Variants in IGF2BP3 observed in about 807,000 individuals in gnomAD.
The protein encoded by IGF2BP3 is insulin-like growth factor 2 mRNA-binding protein 3.
Under a neutral mutation model 73.8 loss-of-function variants are expected in IGF2BP3, and 9 were observed. That is an observed-to-expected ratio of 0.12 (90% CI 0.07 to 0.21). The LOEUF (loss-of-function observed/expected upper bound fraction) is 0.21. Among genes scored for constraint, IGF2BP3 ranks in the 10% least tolerant of loss-of-function variants. The pLI, the probability that IGF2BP3 is intolerant of heterozygous loss-of-function variation, is 1.00. For missense variants in IGF2BP3, 542 were observed against 714.0 expected (o/e 0.76, Z 2.75); for synonymous variants, 258 against 256.7 (o/e 1.01, Z -0.05).
chr7:23,398,585 A>AC (rs1562726828), intron 3 of IGF2BP3, among the ~76,000 whole-genome samples: 1 of 152,170 alleles, frequency 6.6e-6, no homozygotes, highest in Non-Finnish European at 1.5e-5. Flanking sequence ...TTGCTTCCTG[A>AC]CTTTTTAATG....
chr7:23,320,644 T>TAA lies in IGF2BP3; in HGVS notation c.1204-1392_1204-1391dup, dbSNP rs35291021. On this transcript the variant is annotated intron_variant, in intron 10 of 14. Coordinates refer to ENST00000258729, the MANE Select transcript of IGF2BP3 (RefSeq NM_006547.3). ...AAGAAGCCAGTAATATGCTTTTGTT[T>TAA]AAAAAAAAAAAAAAAAAAAAAAGCC... 5.6e-3 allele frequency among the ~76,000 whole-genome samples: 647 copies of TAA among 115,304 alleles called. 9 individuals carry two copies. Among genetic ancestry groups the TAA allele is most frequent in the African/African-American group, 0.016 (496 of 30,700 alleles). 75.6% of individuals were successfully genotyped at this position (115,304 alleles called of 152,430 possible). A position where few individuals can be genotyped will look rare whatever the true frequency, so the allele number is the denominator to read the frequency against.
At chr7:23,326,991 G>A (rs1033761055) in intron 10 of IGF2BP3, among the ~76,000 whole-genome samples, 4 of 150,782 alleles carry the variant, frequency 2.7e-5, no homozygotes, top group African/African-American at 9.8e-5. Context: ...TGGGTGCAGG[G>A]CACCAGCATG....
intron 2 of IGF2BP3, among the ~76,000 whole-genome samples, chr7:23,457,844 T>C (rs2042557276): frequency 1.3e-5 from 2 of 152,360 alleles, no homozygotes; most frequent in East Asian, 1.9e-4. Flanking sequence ...TGTGCACATA[T>C]GTAAAAATTA....
At chr7:23,459,544 G>C (rs896814610) in intron 2 of IGF2BP3, among the ~76,000 whole-genome samples, 1 of 152,230 alleles carries the variant, frequency 6.6e-6, no homozygotes, top group East Asian at 1.9e-4. Context: ...GGAAGAACTG[G>C]ACTTGGGGCC....
intron 8 of IGF2BP3, among the ~76,000 whole-genome samples, chr7:23,345,496 A>G (rs545021682): frequency 2.6e-5 from 4 of 152,378 alleles, no homozygotes; most frequent in African/African-American, 7.2e-5. Flanking sequence ...AACAGCCAGC[A>G]TCAACTTGTC....
At chr7:23,317,234 G>A (rs1216061481) in intron 12 of IGF2BP3, among the ~76,000 whole-genome samples, 1 of 152,176 alleles carries the variant, frequency 6.6e-6, no homozygotes, top group East Asian at 1.9e-4. Context: ...TCTATGGGCA[G>A]GGTCTAACAG....
chr7:23,454,873 T>C (rs747264457), intron 2 of IGF2BP3, among the ~76,000 whole-genome samples: 22 of 152,340 alleles, frequency 1.4e-4, no homozygotes, highest in South Asian at 4.1e-4. Flanking sequence ...ACCAGCACCA[T>C]TGATTGTCTT....
intron 10 of IGF2BP3, among the ~76,000 whole-genome samples, chr7:23,321,501 T>C (rs865977865): frequency 0.012 from 1,748 of 150,964 alleles, 12 homozygotes; most frequent in Non-Finnish European, 0.018. Flanking sequence ...GGGGGAGGGG[T>C]GCCCGCCATT....
At position 23,347,651 on chromosome 7, in the gene IGF2BP3, G is replaced by A. The variant is rs766252548; in HGVS notation, c.767C>T (p.Ala256Val). The change falls in exon 7 of 15, where the codon GCT (alanine) becomes GTT (valine). Residue 256 changes from alanine to valine, a missense_variant. Physicochemically the swap from Ala to Val is moderately conservative, Grantham distance 64. Transcript: ENST00000258729. ...CATAATCTCCAGAATAGACTTACAAGCCGCAGAGGTGCCTTCAGGAGTAGA... is the reference window on the plus strand; with the variant it reads ...CATAATCTCCAGAATAGACTTACAAACCGCAGAGGTGCCTTCAGGAGTAGA... Reference protein sequence around the residue: ...ILSTPEGTSAACKSILEIMHK... With the variant: ...ILSTPEGTSAVCKSILEIMHK... The A allele has an allele frequency of 1.2e-6, 2 of 1,613,896 alleles. No individual in the cohort carries two copies. The highest frequency in any genetic ancestry group is 2.7e-5 in the African/African-American group (2 of 74,898).
At chr7:23,445,614 G>A (rs1788040971) in intron 2 of IGF2BP3, among the ~76,000 whole-genome samples, 1 of 152,080 alleles carries the variant, frequency 6.6e-6, no homozygotes, top group African/African-American at 2.4e-5. Context: ...TTCATCAAGA[G>A]ACCTAAGAAT....
At chr7:23,426,014 G>A (rs1787500075) in intron 2 of IGF2BP3, among the ~76,000 whole-genome samples, 1 of 151,718 alleles carries the variant, frequency 6.6e-6, no homozygotes, top group Non-Finnish European at 1.5e-5. Flanking sequence ...AGACAAAATG[G>A]TGCCAGCAGT....
Position 23,470,274 on chromosome 7 carries a change from G to C in IGF2BP3, c.-164C>G. 1.9e-6 allele frequency: 1 copy of C among 525,022 alleles called. No individual in the cohort carries two copies. 32.5% of individuals were successfully genotyped at this position (525,022 alleles called of 1,614,324 possible). On this transcript the variant is annotated 5_prime_UTR_variant, in exon 1 of 15. In the 5' UTR this introduces an upstream ATG that the reference lacks. Coordinates refer to ENST00000258729, the MANE Select transcript of IGF2BP3 (RefSeq NM_006547.3). Reference sequence around the variant, plus strand: ...CACAAGAACGAGGAGTGAAAAATCAGATCCGAGGCTTGTTTTTTCCTTGTC... The same window carrying C: ...CACAAGAACGAGGAGTGAAAAATCACATCCGAGGCTTGTTTTTTCCTTGTC...
At chr7:23,404,144 T>C (rs1439028007) in intron 3 of IGF2BP3, among the ~76,000 whole-genome samples, 2 of 136,894 alleles carry the variant, frequency 1.5e-5, no homozygotes, top group East Asian at 4.2e-4. Flanking sequence ...AAAAATCAAA[T>C]GGAAAAAAAA....
At chr7:23,373,883 GT>G (rs1334901160) in intron 3 of IGF2BP3, among the ~76,000 whole-genome samples, 2 of 152,172 alleles carry the variant, frequency 1.3e-5, no homozygotes, top group Non-Finnish European at 1.5e-5. Context: ...AGATCTGGTT[GT>G]TTTAAAAGAG....
intron 3 of IGF2BP3, among the ~76,000 whole-genome samples, chr7:23,412,558 T>C (rs1461968281): frequency 1.3e-5 from 2 of 152,188 alleles, no homozygotes; most frequent in African/African-American, 2.4e-5. Context: ...ATGGAGAACC[T>C]GGTGCATAGG....
chr7:23,385,364 A>T (rs1028893801), intron 3 of IGF2BP3, among the ~76,000 whole-genome samples: 1 of 152,226 alleles, frequency 6.6e-6, no homozygotes, highest in African/African-American at 2.4e-5. Flanking sequence ...CAATCTTGGC[A>T]GCACAGTACA....
chr7:23,440,307 G>A (rs922109707), intron 2 of IGF2BP3, among the ~76,000 whole-genome samples: 11 of 151,532 alleles, frequency 7.3e-5, no homozygotes, highest in Middle Eastern at 6.8e-3. Flanking sequence ...ATGGTGGCAC[G>A]TGCCCTTAAT....
chr7:23,355,933 CAAA>C (rs35407214), intron 5 of IGF2BP3, among the ~76,000 whole-genome samples: 17 of 115,884 alleles, frequency 1.5e-4, no homozygotes, highest in East Asian at 2.9e-4. Flanking sequence ...ACTTTGTCTC[CAAA>C]AAAAAAAAAA....
At chr7:23,364,287 C>G (rs1246071946) in intron 3 of IGF2BP3, among the ~76,000 whole-genome samples, 1 of 151,420 alleles carries the variant, frequency 6.6e-6, no homozygotes, top group Non-Finnish European at 1.5e-5. Flanking sequence ...GGCAGGAGAA[C>G]TGCTTGAACC....
Sources: gnomAD v4.1 joint callset for allele counts (sites outside exome capture counted in the v4.1 genomes callset) on GRCh38, gnomAD v4.1.1 for gene constraint, MANE v1.5 for transcripts, NCBI Gene and HGNC (gene_info 2026-07-23, HGNC 2026-07-21) for gene names.